Variants in GABBR2 observed in about 807,000 individuals in gnomAD.
GABBR2 encodes gamma-aminobutyric acid type B receptor subunit 2.
A neutral mutation model predicts 105.6 loss-of-function variants in GABBR2; 23 were observed. That is an observed-to-expected ratio of 0.22 (90% CI 0.16 to 0.31). GABBR2 has a LOEUF of 0.31. Ranked by LOEUF, GABBR2 falls within the 10% of genes least tolerant of loss-of-function variation. The pLI, the probability that GABBR2 is intolerant of heterozygous loss-of-function variation, is 1.00. For missense variants in GABBR2, 734 were observed against 1,245.5 expected, an observed-to-expected ratio of 0.59 and a Z score of 6.18; for synonymous variants, 478 against 499.7, an observed-to-expected ratio of 0.96 and a Z score of 0.58.
intron 13 of GABBR2, among the ~76,000 whole-genome samples, chr9:98,325,110 G>A (rs1427243260): frequency 6.6e-6 from 1 of 151,896 alleles, no homozygotes; most frequent in Admixed American, 6.6e-5. Flanking sequence ...CATACCTCTG[G>A]TGATGAGACA....
At chr9:98,557,632 G>C (rs959407931) in intron 2 of GABBR2, among the ~76,000 whole-genome samples, 1 of 152,172 alleles carries the variant, frequency 6.6e-6, no homozygotes, top group Non-Finnish European at 1.5e-5. Context: ...AATCAGCAGG[G>C]AGTTGAATTA....
intron 17 of GABBR2, among the ~76,000 whole-genome samples, chr9:98,296,681 TATG>T (rs1830388258): frequency 6.6e-6 from 1 of 152,250 alleles, no homozygotes; most frequent in African/African-American, 2.4e-5. Context: ...CAGTTCCTTT[TATG>T]AGAACTCTCT....
chr9:98,531,563 G>A (rs1828067984), intron 3 of GABBR2, among the ~76,000 whole-genome samples: 1 of 152,258 alleles, frequency 6.6e-6, no homozygotes, highest in Non-Finnish European at 1.5e-5. Context: ...GATGGCAGAA[G>A]CACTAGAAAC....
intron 1 of GABBR2, among the ~76,000 whole-genome samples, chr9:98,706,109 CAAAAAAA>C (rs3983388): frequency 2.2e-5 from 3 of 136,978 alleles, no homozygotes; most frequent in South Asian, 2.3e-4. Flanking sequence ...ACAAAAAAAA[CAAAAAAA>C]AAAAAAAAAA....
At chr9:98,676,690 T>C (rs2131865769) in intron 1 of GABBR2, among the ~76,000 whole-genome samples, 1 of 152,304 alleles carries the variant, frequency 6.6e-6, no homozygotes, top group Admixed American at 6.5e-5. Context: ...TATAGCACGA[T>C]GGGACAACAA....
At chr9:98,368,709 C>T (rs959401973) in intron 12 of GABBR2, among the ~76,000 whole-genome samples, 3 of 152,182 alleles carry the variant, frequency 2.0e-5, no homozygotes, top group African/African-American at 7.2e-5. Context: ...CACAAAGGAA[C>T]CAATACTGTG....
At chr9:98,364,104 AAGG>A (rs1214345376) in intron 12 of GABBR2, among the ~76,000 whole-genome samples, 2 of 152,180 alleles carry the variant, frequency 1.3e-5, no homozygotes, top group Admixed American at 6.5e-5. Flanking sequence ...AGTGACTGCC[AAGG>A]AGATTAAATC....
At chr9:98,337,292 G>A (rs1414453089) in intron 13 of GABBR2, among the ~76,000 whole-genome samples, 1 of 152,122 alleles carries the variant, frequency 6.6e-6, no homozygotes, top group Non-Finnish European at 1.5e-5. Context: ...GTGACAGAGT[G>A]AGACTCCATC....
At chr9:98,438,469 C>A (rs12352195) in intron 7 of GABBR2, among the ~76,000 whole-genome samples, 7,927 of 152,252 alleles carry the variant, frequency 0.052, 361 homozygotes, top group East Asian at 0.19. Flanking sequence ...TGTTCACTAA[C>A]TTCAATTATA....
intron 15 of GABBR2, among the ~76,000 whole-genome samples, chr9:98,305,282 T>C (rs943434770): frequency 1.3e-5 from 2 of 152,228 alleles, no homozygotes; most frequent in Admixed American, 6.5e-5. Flanking sequence ...AGTTATTTTT[T>C]TGGACCCAAC....
At position 98,579,733 on chromosome 9, in the gene GABBR2, C is replaced by T. The variant is rs185810861; in HGVS notation, c.322-1661G>A. On this transcript the variant is annotated intron_variant, in intron 1 of 18. Coordinates refer to ENST00000259455, the MANE Select transcript of GABBR2 (RefSeq NM_005458.8). Reference sequence around the variant, plus strand: ...GGATTCAAAAGAGAATTTAAGGAACCGGGACTGAAAAAAGGAATAAGATAA... The same window carrying T: ...GGATTCAAAAGAGAATTTAAGGAACTGGGACTGAAAAAAGGAATAAGATAA... Among the ~76,000 whole-genome samples, 665 of 151,996 alleles carry T rather than the reference C, an allele frequency of 4.4e-3. 14 individuals are homozygous for T. The highest frequency in any genetic ancestry group is 0.04 in the Admixed American group (612 of 15,256).
At chr9:98,419,943 G>T (rs1052199071) in intron 7 of GABBR2, among the ~76,000 whole-genome samples, 1 of 151,974 alleles carries the variant, frequency 6.6e-6, no homozygotes, top group Non-Finnish European at 1.5e-5. Context: ...TTAGTTGTGG[G>T]CATCCCCAAA....
intron 1 of GABBR2, among the ~76,000 whole-genome samples, chr9:98,676,982 A>C (rs1830485467): frequency 6.6e-6 from 1 of 152,248 alleles, no homozygotes; most frequent in Non-Finnish European, 1.5e-5. Flanking sequence ...CTTGTGATGC[A>C]ACTGAAAGAA....
At chr9:98,494,156 G>C (rs1438296768) in intron 4 of GABBR2, among the ~76,000 whole-genome samples, 1 of 152,198 alleles carries the variant, frequency 6.6e-6, no homozygotes, top group African/African-American at 2.4e-5. Context: ...AGAAAGGCAA[G>C]GAAGAGCCCT....
At chr9:98,697,007 GA>G (rs1304588226) in intron 1 of GABBR2, among the ~76,000 whole-genome samples, 1 of 152,058 alleles carries the variant, frequency 6.6e-6, no homozygotes, top group Admixed American at 6.5e-5. Flanking sequence ...TTTTATCGGA[GA>G]AAAAAAACTT....
At chr9:98,485,696 G>A (rs974703657) in intron 4 of GABBR2, among the ~76,000 whole-genome samples, 1 of 152,198 alleles carries the variant, frequency 6.6e-6, no homozygotes, top group Admixed American at 6.5e-5. Flanking sequence ...GGAGGTGGGC[G>A]CTGTTATTAT....
chr9:98,424,097 C>T (rs947927366), intron 7 of GABBR2, among the ~76,000 whole-genome samples: 25 of 152,080 alleles, frequency 1.6e-4, no homozygotes, highest in African/African-American at 5.3e-4. Flanking sequence ...TACTGGCAAA[C>T]CGAATCCAGC....
chr9:98,335,010 T>C (rs571750267), intron 13 of GABBR2, among the ~76,000 whole-genome samples: 1 of 152,276 alleles, frequency 6.6e-6, no homozygotes, highest in East Asian at 1.9e-4. Flanking sequence ...GTGGTTTCCT[T>C]GTGATTGTAG....
At chr9:98,581,503 G>A (rs1042338544) in intron 1 of GABBR2, among the ~76,000 whole-genome samples, 21 of 149,310 alleles carry the variant, frequency 1.4e-4, no homozygotes, top group African/African-American at 4.4e-4. Context: ...GGAAGAGAGG[G>A]AGGGAGGGAG....
Sources: gnomAD v4.1 joint callset for allele counts (sites outside exome capture counted in the v4.1 genomes callset) on GRCh38, gnomAD v4.1.1 for gene constraint, MANE v1.5 for transcripts, NCBI Gene and HGNC (gene_info 2026-07-23, HGNC 2026-07-21) for gene names.